FHIT: variants seen among roughly 807,000 people sequenced by gnomAD.
FHIT encodes fragile histidine triad diadenosine triphosphatase, also known as bis(5'-adenosyl)-triphosphatase.
Under a neutral mutation model 17.9 loss-of-function variants are expected in FHIT, and 19 were observed. The ratio of observed to expected loss-of-function variants is 1.06; its 90% CI spans 0.74 to 1.56. FHIT has a LOEUF of 1.56. Among genes scored for constraint, FHIT ranks in the 40% most tolerant of loss-of-function variants. FHIT has a pLI of 0.00. For synonymous variants in FHIT, 81 were observed against 69.7 expected, an observed-to-expected ratio of 1.16 and a Z score of -0.81; for missense variants, 248 against 189.2, an observed-to-expected ratio of 1.31 and a Z score of -1.82.
At chr3:60,761,866 T>C (rs1553720038) in intron 4 of FHIT, among the ~76,000 whole-genome samples, 1 of 152,020 alleles carries the variant, frequency 6.6e-6, no homozygotes, top group East Asian at 1.9e-4. Flanking sequence ...ATTTTCATTT[T>C]TTGCTGCTTC....
At chr3:60,292,411 T>G (rs1708029101) in intron 5 of FHIT, among the ~76,000 whole-genome samples, 1 of 152,112 alleles carries the variant, frequency 6.6e-6, no homozygotes, top group African/African-American at 2.4e-5. Context: ...AGATAAAAGT[T>G]GAAAAGCCTG....
chr3:60,362,122 T>A (rs1335246761), intron 5 of FHIT, among the ~76,000 whole-genome samples: 1 of 152,140 alleles, frequency 6.6e-6, no homozygotes, highest in Admixed American at 6.5e-5. Flanking sequence ...TAGCATGATG[T>A]TATAGAATAT....
intron 8 of FHIT, among the ~76,000 whole-genome samples, chr3:59,868,512 CAT>C (rs1240177516): frequency 2.0e-5 from 3 of 152,220 alleles, no homozygotes; most frequent in Non-Finnish European, 4.4e-5. Flanking sequence ...CTGCTATCAA[CAT>C]GTTTTGTTAC....
At chr3:60,954,457 T>C (rs1709026945) in intron 3 of FHIT, among the ~76,000 whole-genome samples, 4 of 152,194 alleles carry the variant, frequency 2.6e-5, no homozygotes, top group African/African-American at 9.6e-5. Context: ...GCTACTCTAG[T>C]TATTTTAAAT....
At chr3:60,471,765 T>C (rs2033099926) in intron 5 of FHIT, among the ~76,000 whole-genome samples, 1 of 152,186 alleles carries the variant, frequency 6.6e-6, no homozygotes, top group Non-Finnish European at 1.5e-5. Flanking sequence ...GAACAACCAC[T>C]GCAGGCTTCA....
intron 5 of FHIT, among the ~76,000 whole-genome samples, chr3:60,063,860 C>G (rs530886800): frequency 2.6e-5 from 4 of 152,188 alleles, no homozygotes; most frequent in African/African-American, 9.6e-5. Flanking sequence ...GGGTTAAACG[C>G]GTTTTGATTT....
chr3:60,319,739 GA>G (rs543973135), intron 5 of FHIT, among the ~76,000 whole-genome samples: 86 of 152,278 alleles, frequency 5.6e-4, no homozygotes, highest in African/African-American at 2.0e-3. Context: ...CAGAGACACT[GA>G]GGGGGGCTGT....
chr3:60,230,746 G>C (rs1704455138), intron 5 of FHIT, among the ~76,000 whole-genome samples: 1 of 152,160 alleles, frequency 6.6e-6, no homozygotes, highest in East Asian at 1.9e-4. Flanking sequence ...ATCTCACTCT[G>C]TCTGCTCAGG....
intron 4 of FHIT, among the ~76,000 whole-genome samples, chr3:60,655,122 G>A (rs2040084208): frequency 6.6e-6 from 1 of 152,106 alleles, no homozygotes; most frequent in African/African-American, 2.4e-5. Context: ...CTTGTCTTTA[G>A]AAGAAAATCA....
chr3:60,500,771 T>TAAAAAAAAAAAAAAAAAAA (rs71092606), intron 5 of FHIT, among the ~76,000 whole-genome samples: 12 of 64,860 alleles, frequency 1.9e-4, no homozygotes, highest in African/African-American at 7.4e-4. Flanking sequence ...AGCATCCATC[T>TAAAAAAAAAAAAAAAAAAA]AAAAAAAAAA....
intron 4 of FHIT, among the ~76,000 whole-genome samples, chr3:60,777,955 T>C (rs1553724867): frequency 6.6e-6 from 1 of 152,178 alleles, no homozygotes; most frequent in East Asian, 1.9e-4. Flanking sequence ...AAAGTCAAAC[T>C]TCAGTTTCAA....
intron 4 of FHIT, among the ~76,000 whole-genome samples, chr3:60,658,917 A>C (rs2040177378): frequency 6.6e-6 from 1 of 150,990 alleles, no homozygotes; most frequent in Non-Finnish European, 1.5e-5. Context: ...AACTCATTTT[A>C]GCATTTCTTA....
At chr3:59,902,449 C>T (rs868713500) in intron 8 of FHIT, among the ~76,000 whole-genome samples, 3 of 151,052 alleles carry the variant, frequency 2.0e-5, no homozygotes, top group Admixed American at 6.6e-5. Context: ...GGATATAGAA[C>T]CAAAGGAACT....
At chr3:60,705,293 T>A (rs2041346328) in intron 4 of FHIT, among the ~76,000 whole-genome samples, 1 of 152,096 alleles carries the variant, frequency 6.6e-6, no homozygotes, top group African/African-American at 2.4e-5. Context: ...GAAAGCAACA[T>A]TAAAGGCATC....
chr3:60,483,154 C>T (rs997035390), intron 5 of FHIT, among the ~76,000 whole-genome samples: 4 of 152,046 alleles, frequency 2.6e-5, no homozygotes, highest in African/African-American at 7.2e-5. Flanking sequence ...TTGAACAGAC[C>T]AATAATAAGT....
intron 4 of FHIT, among the ~76,000 whole-genome samples, chr3:60,595,619 ATG>A (rs1297923984): frequency 7.5e-4 from 96 of 127,594 alleles, no homozygotes; most frequent in Middle Eastern, 7.1e-3. Context: ...ATATGTGTGT[ATG>A]TATATATGTG....
At chr3:60,354,641 A>C (rs904270916) in intron 5 of FHIT, among the ~76,000 whole-genome samples, 1 of 152,172 alleles carries the variant, frequency 6.6e-6, no homozygotes, top group Non-Finnish European at 1.5e-5. Flanking sequence ...GCTGAGAGTG[A>C]ATATAAAAAA....
chr3:61,031,062 G>C (rs557870180), intron 3 of FHIT, among the ~76,000 whole-genome samples: 1 of 152,260 alleles, frequency 6.6e-6, no homozygotes, highest in South Asian at 2.1e-4. Flanking sequence ...GAGCAGACAG[G>C]TAACATGCTT....
intron 5 of FHIT, among the ~76,000 whole-genome samples, chr3:60,310,345 G>T (rs1037638128): frequency 6.6e-6 from 1 of 152,116 alleles, no homozygotes; most frequent in African/African-American, 2.4e-5. Context: ...AGAAACTGGT[G>T]CTGAAAAGAA....
Sources: gnomAD v4.1 joint callset for allele counts (sites outside exome capture counted in the v4.1 genomes callset) on GRCh38, gnomAD v4.1.1 for gene constraint, MANE v1.5 for transcripts, NCBI Gene and HGNC (gene_info 2026-07-23, HGNC 2026-07-21) for gene names.